CPAMD8: variants seen among roughly 807,000 people sequenced by gnomAD.
CPAMD8 encodes C3 and PZP-like alpha-2-macroglobulin domain-containing protein 8.
CPAMD8 carries 146 observed loss-of-function variants against 224.7 expected under a neutral mutation model. The observed-to-expected ratio is 0.65, with a 90% confidence interval of 0.57 to 0.75. The LOEUF (loss-of-function observed/expected upper bound fraction) is 0.75. Ranked by LOEUF, CPAMD8 falls within the 30% of genes least tolerant of loss-of-function variation. The pLI is 0.00. For missense variants in CPAMD8, 2,301 were observed against 2,537.5 expected (o/e 0.91, Z 2.00); for synonymous variants, 966 against 1,044.6 (o/e 0.92, Z 1.45).
chr19:16,982,263 G>A (rs1386671562), intron 13 of CPAMD8, among the ~76,000 whole-genome samples: 1 of 151,928 alleles, frequency 6.6e-6, no homozygotes, highest in Admixed American at 6.6e-5. Flanking sequence ...TGTGGTGGTG[G>A]GTGCCTGTGG....
chr19:16,982,418 A>T (rs1031717647), intron 13 of CPAMD8, among the ~76,000 whole-genome samples: 1 of 152,010 alleles, frequency 6.6e-6, no homozygotes, highest in African/African-American at 2.4e-5. Context: ...TTTTTTAATT[A>T]AAAAAATATA....
At chr19:17,018,557 G>A (rs928358130) in intron 3 of CPAMD8, among the ~76,000 whole-genome samples, 1 of 151,984 alleles carries the variant, frequency 6.6e-6, no homozygotes, top group Non-Finnish European at 1.5e-5. Context: ...ACATTCTGGC[G>A]ACTTAAGGAT....
chr19:16,972,937 C>T (rs567081526), intron 17 of CPAMD8, among the ~76,000 whole-genome samples: 3 of 152,262 alleles, frequency 2.0e-5, no homozygotes, highest in African/African-American at 7.2e-5. Context: ...GGGAGGCTAA[C>T]GCGGGTGGAT....
intron 22 of CPAMD8, among the ~76,000 whole-genome samples, chr19:16,944,587 G>C (rs1268117559): frequency 6.6e-6 from 1 of 152,168 alleles, no homozygotes; most frequent in Non-Finnish European, 1.5e-5. Context: ...GCTGGGCAAA[G>C]GGTGACTGGG....
At chr19:16,924,230 A>C (rs1363997871) in intron 26 of CPAMD8, among the ~76,000 whole-genome samples, 1 of 150,158 alleles carries the variant, frequency 6.7e-6, no homozygotes, top group African/African-American at 2.5e-5. Flanking sequence ...TTGTTGTGGC[A>C]GTTTTAGGAA....
rs534863979 is a variant in CPAMD8 at position 16,939,105 on chromosome 19, C to A, written c.2794-659G>T. Among the ~76,000 whole-genome samples, 30 of 152,292 alleles carry A rather than the reference C, an allele frequency of 2.0e-4. No individual in the cohort carries two copies. The South Asian group carries it at 6.2e-3, about 32-fold the overall frequency. On this transcript the variant is annotated intron_variant, in intron 22 of 41. Coordinates refer to ENST00000443236, the MANE Select transcript of CPAMD8 (RefSeq NM_015692.5). The stretch of plus-strand genomic sequence containing the variant: ...TCAAAGGGTTAACATGGGGCAGCTG[C>A]AACCAGAAGGCCTGGCAGCCCCTTT...
At chr19:16,967,353 G>A (rs532193405) in intron 18 of CPAMD8, among the ~76,000 whole-genome samples, 15 of 94,982 alleles carry the variant, frequency 1.6e-4, no homozygotes, top group East Asian at 8.6e-4. Flanking sequence ...GTGGGGGGCC[G>A]GGGGAGGGAT....
chr19:16,896,696 C>A, intron 39 of CPAMD8, 31 bp from the exon 40 acceptor site: 30 of 1,346,330 alleles, frequency 2.2e-5, no homozygotes, highest in Non-Finnish European at 2.8e-5. Context: ...GACAGACCCC[C>A]CACCCTGAAC....
intron 5 of CPAMD8, among the ~76,000 whole-genome samples, chr19:17,010,019 T>C (rs2056604233): frequency 6.6e-6 from 1 of 152,046 alleles, no homozygotes; most frequent in Non-Finnish European, 1.5e-5. Flanking sequence ...GCCAAAAATG[T>C]CAATGTCATG....
chr19:16,896,887 C>T (rs768574806), intron 39 of CPAMD8: 172 of 397,822 alleles, frequency 4.3e-4, no homozygotes, highest in Non-Finnish European at 6.7e-4. Context: ...TTTTAAAAAG[C>T]GGTTGTAGGA....
At chr19:17,026,413 T>C (rs939658442) in intron 1 of CPAMD8, 138 bp downstream of exon 1, 152 of 983,686 alleles carry the variant, frequency 1.5e-4, no homozygotes, top group Non-Finnish European at 1.8e-4. Flanking sequence ...CTCAAGACGA[T>C]TCGGGAACAA....
chr19:16,945,783 G>GTGTGTCTGTGTGTGTGTATA, intron 21 of CPAMD8, 104 bp from the exon 22 acceptor site: 1 of 1,032,364 alleles, frequency 9.7e-7, no homozygotes, highest in Non-Finnish European at 1.5e-6. Flanking sequence ...ATGCATGTGT[G>GTGTGTCTGTGTGTGTGTATA]TGTGTGTGCA....
chr19:16,901,986 C>G (rs1412416324), intron 35 of CPAMD8, among the ~76,000 whole-genome samples: 2 of 152,126 alleles, frequency 1.3e-5, no homozygotes, highest in African/African-American at 2.4e-5. Context: ...TCATGGCAAC[C>G]ACTCACCCAC....
chr19:17,010,631 G>A (rs192631711), intron 5 of CPAMD8, among the ~76,000 whole-genome samples: 120 of 152,192 alleles, frequency 7.9e-4, no homozygotes, highest in Non-Finnish European at 1.5e-3. Context: ...GGGCCAGAGA[G>A]GCACAGTATC....
intron 10 of CPAMD8, among the ~76,000 whole-genome samples, chr19:16,999,596 A>AAAAAG (rs1568582665): frequency 2.0e-5 from 3 of 150,080 alleles, no homozygotes; most frequent in Non-Finnish European, 3.0e-5. Context: ...AAAAAAAAAA[A>AAAAAG]AAAAGAAAAG....
At chr19:16,939,915 T>C (rs1372750515) in intron 22 of CPAMD8, among the ~76,000 whole-genome samples, 1 of 151,950 alleles carries the variant, frequency 6.6e-6, no homozygotes, top group Non-Finnish European at 1.5e-5. Flanking sequence ...TTTTTGTTTT[T>C]GTTTTTGTTT....
chr19:16,976,172 G>A, intron 15 of CPAMD8, 21 bp from the exon 16 acceptor site: 1 of 1,601,662 alleles, frequency 6.2e-7, no homozygotes, highest in Non-Finnish European at 8.5e-7. Flanking sequence ...ATGCAGCAAG[G>A]GATAAGAAAC....
chr19:16,983,703 G>C (rs75692515), intron 13 of CPAMD8, among the ~76,000 whole-genome samples: 1 of 152,090 alleles, frequency 6.6e-6, no homozygotes, highest in Non-Finnish European at 1.5e-5. Flanking sequence ...CCATGAGTGG[G>C]ATAACTTGGG....
rs1405308056 is a variant in CPAMD8 at position 17,026,571 on chromosome 19, G to A, written c.72C>T (p.Arg24=). Reference sequence around the variant, plus strand: ...CTCACGGGGCCTGAGGCTGCGCGGCGCGCACGCCGTCCCGCGCCGACAGCA... The same window carrying A: ...CTCACGGGGCCTGAGGCTGCGCGGCACGCACGCCGTCCCGCGCCGACAGCA... ...LLLLSARDGV[R]AAQPQAPGYL... is the part of the protein sequence containing the mutation. Residue 24 remains arginine, a synonymous_variant, in exon 1 of 42, where the codon CGC becomes CGT. Coordinates refer to ENST00000443236, the MANE Select transcript of CPAMD8 (RefSeq NM_015692.5). 3 of 1,527,968 alleles carry A rather than the reference G, an allele frequency of 2.0e-6. No homozygotes were observed. The highest frequency in any genetic ancestry group is 2.0e-5 in the Admixed American group (1 of 49,844). 94.7% of individuals were successfully genotyped at this position (1,527,968 alleles called of 1,614,324 possible).
Sources: allele counts gnomAD v4.1 joint callset (sites outside exome capture counted in the v4.1 genomes callset), GRCh38; gene constraint gnomAD v4.1.1; transcripts MANE v1.5; gene names NCBI Gene and HGNC (gene_info 2026-07-23, HGNC 2026-07-21).